The following RASGEF1C variants were observed in gnomAD, a reference collection of about 807,000 sequenced individuals.
RASGEF1C encodes the protein ras-GEF domain-containing family member 1C.
In RASGEF1C, 27 loss-of-function variants were observed where a neutral mutation model predicts 58.1. That is an observed-to-expected ratio of 0.46 (90% confidence interval 0.34 to 0.64). The LOEUF (loss-of-function observed/expected upper bound fraction) is 0.64, where lower values mean the gene tolerates loss of function less well. RASGEF1C is among the 30% of genes least tolerant of loss of function. The pLI is 0.01. For synonymous variants in RASGEF1C, 243 were observed against 246.3 expected (o/e 0.99, Z 0.13); for missense variants, 502 against 605.1 (o/e 0.83, Z 1.79).
chr5:180,109,325 G>C (rs957299662), intron 12 of RASGEF1C, among the ~76,000 whole-genome samples: 7 of 152,144 alleles, frequency 4.6e-5, no homozygotes, highest in African/African-American at 1.7e-4. Flanking sequence ...GGGCGTGGTG[G>C]TGGGTGCCTG....
chr5:180,179,926 G>A (rs752481995), intron 1 of RASGEF1C, among the ~76,000 whole-genome samples: 34 of 152,286 alleles, frequency 2.2e-4, no homozygotes, highest in South Asian at 2.1e-4. Context: ...CTTTGCGTCC[G>A]TCAACGAGTT....
intron 11 of RASGEF1C, 88 bp from the exon 12 acceptor site, chr5:180,111,668 T>C: frequency 1.4e-6 from 2 of 1,461,212 alleles, no homozygotes; most frequent in Non-Finnish European, 1.9e-6. Context: ...GCAGAGACCC[T>C]CTCAACACCC....
intron 1 of RASGEF1C, among the ~76,000 whole-genome samples, chr5:180,207,616 C>T (rs1454732309): frequency 1.3e-4 from 20 of 148,688 alleles, no homozygotes; most frequent in Non-Finnish European, 2.7e-4. Flanking sequence ...GGCTCCGCAG[C>T]CCGTCCCTCT....
chr5:180,208,965 AG>A (rs990574721), intron 1 of RASGEF1C, 62 bp downstream of exon 1: 2 of 136,358 alleles, frequency 1.5e-5, no homozygotes, highest in Non-Finnish European at 1.6e-5. Context: ...AGCCCTCCCC[AG>A]CCCCCGCGAG....
chr5:180,148,329 A>G (rs894833810), intron 1 of RASGEF1C, among the ~76,000 whole-genome samples: 1 of 152,020 alleles, frequency 6.6e-6, no homozygotes, highest in Non-Finnish European at 1.5e-5. Flanking sequence ...AGAGAGTGTA[A>G]TCTATTTCCT....
chr5:180,200,931 T>C (rs1756384207), intron 1 of RASGEF1C, among the ~76,000 whole-genome samples: 1 of 151,646 alleles, frequency 6.6e-6, no homozygotes, highest in African/African-American at 2.4e-5. Context: ...CCAAGAACTA[T>C]GAAAAAAAGA....
At chr5:180,118,899 T>C in intron 8 of RASGEF1C, 33 bp from the exon 9 acceptor site, 1 of 1,602,344 alleles carries the variant, frequency 6.2e-7, no homozygotes, top group Non-Finnish European at 8.6e-7. Context: ...AGAGGGCTGC[T>C]CCTGGGACAG....
At chr5:180,121,368 C>T (rs1251420298) in intron 6 of RASGEF1C, among the ~76,000 whole-genome samples, 2 of 151,324 alleles carry the variant, frequency 1.3e-5, no homozygotes, top group South Asian at 2.1e-4. Flanking sequence ...GGCTGGAGTG[C>T]GGTGGCGCGA....
chr5:180,123,032 A>T (rs1358311816), intron 6 of RASGEF1C, among the ~76,000 whole-genome samples: 1 of 152,198 alleles, frequency 6.6e-6, no homozygotes, highest in Non-Finnish European at 1.5e-5. Flanking sequence ...AAGTAAAAAA[A>T]AGAGAAAAAT....
chr5:180,117,970 G>A (rs190660426), intron 10 of RASGEF1C, among the ~76,000 whole-genome samples: 92 of 143,938 alleles, frequency 6.4e-4, no homozygotes, highest in African/African-American at 2.2e-3. Context: ...CTCCAGCCTG[G>A]GCGACAGAGA....
At chr5:180,138,272 A>C in intron 1 of RASGEF1C, 2 of 422,262 alleles carry the variant, frequency 4.7e-6, no homozygotes, top group South Asian at 7.4e-5. Context: ...ATGGCCTCTC[A>C]ACTCTCCTGC....
At chr5:180,162,621 A>T (rs1272776031) in intron 1 of RASGEF1C, among the ~76,000 whole-genome samples, 1 of 152,236 alleles carries the variant, frequency 6.6e-6, no homozygotes, top group African/African-American at 2.4e-5. Flanking sequence ...CCCTCACCGC[A>T]TTAAGGAACT....
At chr5:180,163,863 T>C (rs111518448) in intron 1 of RASGEF1C, among the ~76,000 whole-genome samples, 6,318 of 152,314 alleles carry the variant, frequency 0.041, 184 homozygotes, top group Middle Eastern at 0.088. Flanking sequence ...CATCTCTTCC[T>C]GGAGATTTCT....
intron 1 of RASGEF1C, among the ~76,000 whole-genome samples, chr5:180,200,581 G>A (rs1331559415): frequency 1.3e-5 from 2 of 151,948 alleles, no homozygotes; most frequent in South Asian, 2.1e-4. Context: ...CCAAAGTGCT[G>A]GGATTACAGG....
intron 1 of RASGEF1C, among the ~76,000 whole-genome samples, chr5:180,195,750 G>A (rs1350222449): frequency 6.6e-5 from 10 of 151,632 alleles, no homozygotes; most frequent in African/African-American, 2.2e-4. Context: ...GGGCGACAGA[G>A]CGAGACTCCG....
chr5:180,104,448 C>G (rs1765843580), intron 12 of RASGEF1C, among the ~76,000 whole-genome samples: 1 of 152,158 alleles, frequency 6.6e-6, no homozygotes, highest in Admixed American at 6.5e-5. Flanking sequence ...GCAGCCCTCA[C>G]CAGACACAGA....
At chr5:180,140,530 G>A (rs58265209) in intron 1 of RASGEF1C, among the ~76,000 whole-genome samples, 36,665 of 152,120 alleles carry the variant, frequency 0.24, 4,659 homozygotes, top group South Asian at 0.32. Flanking sequence ...GCTCACTGCG[G>A]TGGATGTCCT....
chr5:180,147,371 T>C (rs933311124), intron 1 of RASGEF1C, among the ~76,000 whole-genome samples: 2 of 152,142 alleles, frequency 1.3e-5, no homozygotes, highest in Non-Finnish European at 2.9e-5. Context: ...CCTCTTTTTC[T>C]AGCTCTTTAC....
chr5:180,206,866 T>C (rs1001555931), intron 1 of RASGEF1C, among the ~76,000 whole-genome samples: 2 of 152,280 alleles, frequency 1.3e-5, no homozygotes, highest in African/African-American at 4.8e-5. Flanking sequence ...AATGCTTAAA[T>C]GACTTGTTTT....
Sources: allele counts gnomAD v4.1 joint callset (sites outside exome capture counted in the v4.1 genomes callset), GRCh38; gene constraint gnomAD v4.1.1; transcripts MANE v1.5; gene names NCBI Gene and HGNC (gene_info 2026-07-23, HGNC 2026-07-21).